MAJIN: variants seen among roughly 807,000 people sequenced by gnomAD.
The protein encoded by MAJIN is membrane anchored junction protein, also known as membrane-anchored junction protein.
Under a neutral mutation model 30.2 loss-of-function variants are expected in MAJIN, and 27 were observed. The observed-to-expected ratio is 0.89, with a 90% CI of 0.66 to 1.23. The LOEUF is 1.23. Among genes scored for constraint, MAJIN ranks in the 50% most tolerant of loss-of-function variants. The pLI is 0.00. For synonymous variants in MAJIN, 78 were observed against 91.6 expected, an observed-to-expected ratio of 0.85 and a Z score of 0.85; for missense variants, 253 against 260.3, an observed-to-expected ratio of 0.97 and a Z score of 0.19.
intron 1 of MAJIN, among the ~76,000 whole-genome samples, chr11:64,963,762 C>T (rs117176516): frequency 0.011 from 1,743 of 152,204 alleles, 15 homozygotes; most frequent in Non-Finnish European, 0.018. Flanking sequence ...CGCTTGAACC[C>T]GGGGAGGTGG....
At chr11:64,955,106 TA>T (rs1945611668) in intron 3 of MAJIN, among the ~76,000 whole-genome samples, 1 of 152,190 alleles carries the variant, frequency 6.6e-6, no homozygotes, top group Admixed American at 6.5e-5. Context: ...TCTTCAAGGG[TA>T]AAACTATTTT....
chr11:64,941,518 G>A (rs550542048), intron 8 of MAJIN, among the ~76,000 whole-genome samples: 3 of 152,246 alleles, frequency 2.0e-5, no homozygotes, highest in South Asian at 2.1e-4. Flanking sequence ...TCAGCCGGGC[G>A]TGGTGGCAGG....
At chr11:64,951,176 T>G (rs1021433958) in intron 4 of MAJIN, among the ~76,000 whole-genome samples, 26 of 152,244 alleles carry the variant, frequency 1.7e-4, no homozygotes, top group Non-Finnish European at 2.6e-4. Context: ...TTCTATGGTG[T>G]CTACCATCAT....
chr11:64,960,932 T>A (rs759431491), intron 1 of MAJIN, among the ~76,000 whole-genome samples: 2 of 152,120 alleles, frequency 1.3e-5, no homozygotes, highest in Non-Finnish European at 2.9e-5. Context: ...AGAATTGCAG[T>A]CAAAAATGAA....
chr11:64,970,744 C>A (rs1356925578), intron 1 of MAJIN, among the ~76,000 whole-genome samples: 2 of 152,158 alleles, frequency 1.3e-5, no homozygotes, highest in African/African-American at 2.4e-5. Flanking sequence ...TGGCATCTTT[C>A]TGCCCACTTG....
At chr11:64,963,604 G>A (rs999936742) in intron 1 of MAJIN, among the ~76,000 whole-genome samples, 5 of 152,174 alleles carry the variant, frequency 3.3e-5, no homozygotes, top group African/African-American at 9.7e-5. Flanking sequence ...TTGGGAGGCT[G>A]CAGCAGGTGG....
chr11:64,957,177 A>T (rs1590701930), intron 3 of MAJIN, among the ~76,000 whole-genome samples: 1 of 151,292 alleles, frequency 6.6e-6, no homozygotes, highest in African/African-American at 2.5e-5. Flanking sequence ...CCCTGGGGCC[A>T]ACCGATTCCT....
At chr11:64,957,953 T>G (rs1283709337) in intron 3 of MAJIN, among the ~76,000 whole-genome samples, 2 of 152,054 alleles carry the variant, frequency 1.3e-5, no homozygotes, top group African/African-American at 4.8e-5. Flanking sequence ...TGTGATTTTT[T>G]TTTTTTAAGA....
chr11:64,959,174 G>A, intron 3 of MAJIN, 131 bp downstream of exon 3: 1 of 610,152 alleles, frequency 1.6e-6, no homozygotes, highest in Non-Finnish European at 2.9e-6. Context: ...AAATTCCTGG[G>A]AAAGACAGTC....
Position 64,938,457 on chromosome 11 carries a change from G to A in MAJIN, c.*118C>T. On this transcript the variant is annotated 3_prime_UTR_variant, in exon 11 of 11. Transcript: ENST00000301896. ...GTGTCATAAGAAAAGGATAGAGTTG[G>A]AGGAAGAATGGCTCGGGAGGAGTCA... 3 of 1,466,536 alleles carry A rather than the reference G, an allele frequency of 2.0e-6. No individual in the cohort carries two copies. Among genetic ancestry groups the A allele is most frequent in the Non-Finnish European group, 2.8e-6 (3 of 1,084,124 alleles). 90.8% of individuals were successfully genotyped at this position (1,466,536 alleles called of 1,614,324 possible). A position where few individuals can be genotyped will look rare whatever the true frequency, so the allele number is the denominator to read the frequency against.
rs773218079 is a variant in MAJIN at position 64,945,598 on chromosome 11, C to T, written c.473+1776G>A. On this transcript the variant is annotated intron_variant, in intron 8 of 10. Transcript: ENST00000301896. ...TTGCCCAGGCTGGAGTGCAGTGGCA[C>T]GAACTCAGCTCACTGCAACCTCCGC... Among the ~76,000 whole-genome samples, 6 of 152,010 alleles carry T rather than the reference C, an allele frequency of 3.9e-5. No homozygotes were observed. The East Asian group carries it at 5.9e-4, about 15-fold the overall frequency.
At chr11:64,954,340 T>G in intron 4 of MAJIN, 1 of 291,058 alleles carries the variant, frequency 3.4e-6, no homozygotes, top group Non-Finnish European at 6.6e-6. Flanking sequence ...TGTTGCCAAT[T>G]TAAATGAAGA....
intron 4 of MAJIN, among the ~76,000 whole-genome samples, chr11:64,952,191 T>C (rs1945563170): frequency 1.3e-5 from 2 of 149,330 alleles, no homozygotes; most frequent in South Asian, 4.3e-4. Context: ...GCCCGGCCTT[T>C]TTTTTTGAGA....
intron 3 of MAJIN, among the ~76,000 whole-genome samples, chr11:64,958,520 G>A (rs550487598): frequency 6.7e-6 from 1 of 148,910 alleles, no homozygotes; most frequent in African/African-American, 2.5e-5. Flanking sequence ...TCTGGAAGCT[G>A]AGGTGGGAGG....
At chr11:64,944,768 A>G (rs1190891635) in intron 8 of MAJIN, among the ~76,000 whole-genome samples, 1 of 152,186 alleles carries the variant, frequency 6.6e-6, no homozygotes, top group Non-Finnish European at 1.5e-5. Context: ...TTGTGTTTGG[A>G]TACTTAGGGT....
At chr11:64,961,862 C>A (rs113588467) in intron 1 of MAJIN, among the ~76,000 whole-genome samples, 1 of 151,166 alleles carries the variant, frequency 6.6e-6, no homozygotes, top group Non-Finnish European at 1.5e-5. Flanking sequence ...ACCCATAGCT[C>A]ACTGCAGCGC....
chr11:64,956,773 T>G (rs1945640616), intron 3 of MAJIN, among the ~76,000 whole-genome samples: 2 of 148,260 alleles, frequency 1.3e-5, no homozygotes, highest in Non-Finnish European at 3.0e-5. Context: ...GTTTTTTTTT[T>G]TTTTTTTTTT....
chr11:64,966,032 C>T (rs1464982083), intron 1 of MAJIN, among the ~76,000 whole-genome samples: 1 of 150,782 alleles, frequency 6.6e-6, no homozygotes, highest in Non-Finnish European at 1.5e-5. Context: ...CCGCAGGAAC[C>T]CAAAAAGCAC....
At chr11:64,970,176 CAACATGGTGA>C (rs1351898236) in intron 1 of MAJIN, among the ~76,000 whole-genome samples, 1 of 149,052 alleles carries the variant, frequency 6.7e-6, no homozygotes, top group Non-Finnish European at 1.5e-5. Context: ...CCAGCTTGGC[CAACATGGTGA>C]AACCCCATCT....
Sources: gnomAD v4.1 joint callset for allele counts (sites outside exome capture counted in the v4.1 genomes callset) on GRCh38, gnomAD v4.1.1 for gene constraint, MANE v1.5 for transcripts, NCBI Gene and HGNC (gene_info 2026-07-23, HGNC 2026-07-21) for gene names.